NBEA: variants seen among roughly 807,000 people sequenced by gnomAD.
NBEA encodes the protein neurobeachin.
NBEA carries 44 observed loss-of-function variants against 343.4 expected under a neutral mutation model. That is an observed-to-expected ratio of 0.13 (90% CI 0.10 to 0.16). The LOEUF (loss-of-function observed/expected upper bound fraction) is 0.16, where lower values mean the gene tolerates loss of function less well. Among genes scored for constraint, NBEA ranks in the 10% least tolerant of loss-of-function variants. The probability of loss-of-function intolerance (pLI) is 1.00; values close to 1 mark genes in which losing one functional copy is unlikely to be tolerated. For missense variants in NBEA, 2,555 were observed against 3,631.3 expected (o/e 0.70, Z 7.62); for synonymous variants, 1,175 against 1,238.7 (o/e 0.95, Z 1.08).
intron 1 of NBEA, among the ~76,000 whole-genome samples, chr13:34,956,271 G>A (rs796675602): frequency 1.3e-5 from 2 of 152,034 alleles, no homozygotes; most frequent in South Asian, 4.2e-4. Flanking sequence ...TGAGGTGAAT[G>A]ATGATTAACT....
At chr13:35,520,205 C>T (rs9574084) in intron 41 of NBEA, among the ~76,000 whole-genome samples, 122,767 of 152,152 alleles carry the variant, frequency 0.81, 49,775 homozygotes, top group Admixed American at 0.85. Flanking sequence ...CCAGTACCAG[C>T]CCATGGCCTG....
intron 16 of NBEA, among the ~76,000 whole-genome samples, chr13:35,118,957 C>T (rs2066647717): frequency 6.6e-6 from 1 of 151,726 alleles, no homozygotes; most frequent in African/African-American, 2.4e-5. Context: ...TTACAATCAC[C>T]AGTGTGAAAC....
chr13:35,438,606 T>C (rs118081740), intron 39 of NBEA, among the ~76,000 whole-genome samples: 246 of 152,346 alleles, frequency 1.6e-3, no homozygotes, highest in Non-Finnish European at 3.1e-3. Flanking sequence ...AGTTGGTGTA[T>C]TATTAATTGG....
intron 2 of NBEA, among the ~76,000 whole-genome samples, chr13:35,044,506 T>G (rs1347904598): frequency 6.6e-6 from 1 of 152,076 alleles, no homozygotes; most frequent in Non-Finnish European, 1.5e-5. Flanking sequence ...TAGTCAGCTG[T>G]TACTTTTTCA....
chr13:35,547,564 G>C (rs1410830194), intron 41 of NBEA, among the ~76,000 whole-genome samples: 1 of 152,110 alleles, frequency 6.6e-6, no homozygotes, highest in Non-Finnish European at 1.5e-5. Context: ...TGAGTAACAA[G>C]GGACTGGCTA....
At chr13:35,248,923 G>A (rs2031594777) in intron 34 of NBEA, among the ~76,000 whole-genome samples, 1 of 152,142 alleles carries the variant, frequency 6.6e-6, no homozygotes, top group South Asian at 2.1e-4. Flanking sequence ...GCCGAGGCAG[G>A]CAGATCACCT....
intron 38 of NBEA, among the ~76,000 whole-genome samples, chr13:35,356,191 T>G (rs980161211): frequency 6.6e-6 from 1 of 152,192 alleles, no homozygotes; most frequent in African/African-American, 2.4e-5. Context: ...TTTTATATTT[T>G]ATTTAACTTT....
At chr13:35,143,167 G>A (rs2068190286) in intron 18 of NBEA, among the ~76,000 whole-genome samples, 1 of 152,174 alleles carries the variant, frequency 6.6e-6, no homozygotes, top group Non-Finnish European at 1.5e-5. Flanking sequence ...GTTGTAAAAT[G>A]TATAGGATTT....
chr13:35,619,458 C>CA (rs1415070790), intron 48 of NBEA, among the ~76,000 whole-genome samples: 2 of 152,052 alleles, frequency 1.3e-5, no homozygotes, highest in Non-Finnish European at 2.9e-5. Flanking sequence ...CAACCGCTTG[C>CA]AAAAAACCTG....
intron 17 of NBEA, among the ~76,000 whole-genome samples, chr13:35,139,746 T>TTTTG (rs2067970827): frequency 2.5e-5 from 3 of 118,688 alleles, no homozygotes; most frequent in Non-Finnish European, 5.3e-5. Context: ...TGGATGGCGT[T>TTTTG]TTTTTTTTTT....
intron 38 of NBEA, among the ~76,000 whole-genome samples, chr13:35,358,299 T>C (rs572347488): frequency 6.6e-6 from 1 of 151,880 alleles, no homozygotes; most frequent in East Asian, 2.0e-4. Context: ...ACTGGGGTTA[T>C]AGGAGTGAGT....
At chr13:35,356,221 T>A (rs1303414850) in intron 38 of NBEA, among the ~76,000 whole-genome samples, 3 of 152,144 alleles carry the variant, frequency 2.0e-5, no homozygotes, top group Non-Finnish European at 4.4e-5. Flanking sequence ...CAAAAAGTAC[T>A]TATCCCTGCA....
intron 49 of NBEA, among the ~76,000 whole-genome samples, chr13:35,628,824 GAGA>G (rs1172674347): frequency 6.6e-6 from 1 of 152,228 alleles, no homozygotes; most frequent in Non-Finnish European, 1.5e-5. Context: ...GGGCTGAGGT[GAGA>G]AGATCACTTG....
In NBEA at chr13:35,233,804, T is replaced by G. The variant is rs191108824; in HGVS notation, c.5776+1185T>G. Among the ~76,000 whole-genome samples the G allele has an allele frequency of 4.5e-3, 691 of 152,148 alleles. 6 individuals are homozygous for G. Among genetic ancestry groups the G allele is most frequent in the Middle Eastern group, 0.02 (6 of 294 alleles). On this transcript the variant is annotated intron_variant, in intron 34 of 58. Coordinates refer to ENST00000379939, the MANE Select transcript of NBEA (RefSeq NM_001385012.1). ...TGAATAATTAAATTACATAGCATGC[T>G]AGAAGATAGTGAATGTTATGTAAAA...
chr13:35,623,311 TAA>T (rs1245172787), intron 48 of NBEA, among the ~76,000 whole-genome samples: 1 of 152,172 alleles, frequency 6.6e-6, no homozygotes, highest in Non-Finnish European at 1.5e-5. Flanking sequence ...CTGTTTATAG[TAA>T]AGAGTCTTAA....
intron 33 of NBEA, among the ~76,000 whole-genome samples, chr13:35,219,349 A>C (rs2074238020): frequency 6.6e-6 from 1 of 152,120 alleles, no homozygotes; most frequent in African/African-American, 2.4e-5. Flanking sequence ...TTGTTTCCTT[A>C]GTGCAGTAGT....
intron 6 of NBEA, among the ~76,000 whole-genome samples, chr13:35,055,304 A>T (rs1302426254): frequency 6.6e-6 from 1 of 152,138 alleles, no homozygotes; most frequent in Non-Finnish European, 1.5e-5. Flanking sequence ...CAAACCATCC[A>T]TATTAAAATA....
At chr13:35,618,018 G>A (rs957018610) in intron 48 of NBEA, among the ~76,000 whole-genome samples, 4 of 152,016 alleles carry the variant, frequency 2.6e-5, no homozygotes, top group Non-Finnish European at 5.9e-5. Context: ...TATATTGGCT[G>A]GGTAATTCAT....
At chr13:35,011,175 C>A in intron 1 of NBEA, among the ~76,000 whole-genome samples, 1 of 151,778 alleles carries the variant, frequency 6.6e-6, no homozygotes, top group Non-Finnish European at 1.5e-5. Context: ...TTTTGGTAAC[C>A]CTACAGGGTT....
Sources: allele counts gnomAD v4.1 joint callset (sites outside exome capture counted in the v4.1 genomes callset), GRCh38; gene constraint gnomAD v4.1.1; transcripts MANE v1.5; gene names NCBI Gene and HGNC (gene_info 2026-07-23, HGNC 2026-07-21).